The following STXBP5 variants were observed in gnomAD, a reference collection of about 807,000 sequenced individuals.
STXBP5 encodes syntaxin binding protein 5.
Under a neutral mutation model 152.4 loss-of-function variants are expected in STXBP5, and 50 were observed. The observed-to-expected ratio is 0.33, with a 90% confidence interval of 0.26 to 0.42. The LOEUF is 0.42. Ranked by LOEUF, STXBP5 falls within the 10% of genes least tolerant of loss-of-function variation. The pLI, the probability that STXBP5 is intolerant of heterozygous loss-of-function variation, is 1.00. For synonymous variants in STXBP5, 492 were observed against 494.7 expected (o/e 0.99, Z 0.07); for missense variants, 1,167 against 1,388.6 (o/e 0.84, Z 2.54).
At chr6:147,252,944 C>T (rs1779171379) in intron 4 of STXBP5, among the ~76,000 whole-genome samples, 1 of 152,192 alleles carries the variant, frequency 6.6e-6, no homozygotes, top group Non-Finnish European at 1.5e-5. Context: ...AGGGACTCCT[C>T]TCTAACTCAT....
chr6:147,233,278 C>G (rs1308260211), intron 2 of STXBP5, among the ~76,000 whole-genome samples: 1 of 151,652 alleles, frequency 6.6e-6, no homozygotes, highest in African/African-American at 2.4e-5. Context: ...TATATGAATG[C>G]TGCACTCGTA....
Position 147,325,135 on chromosome 6 carries a change from T to A in STXBP5, c.1928+51T>A, listed in dbSNP as rs371617731. ...AAGTCTCTTCATAGTATTCCATATG[T>A]CATTTTGTTTTTAAAAATAGAAAGG... is the stretch of plus-strand genomic sequence containing the variant. On this transcript the variant is annotated intron_variant, in intron 17 of 27. Coordinates refer to ENST00000321680, the MANE Select transcript of STXBP5 (RefSeq NM_001127715.4). 9.6e-6 allele frequency: 13 copies of A among 1,348,420 alleles called. No individual in the cohort carries two copies. In the African/African-American group the frequency reaches 1.6e-4, roughly 17 times the overall value. The allele number at this position is 1,348,420 out of a possible 1,614,324, so 83.5% of individuals were successfully genotyped here. A position where few individuals can be genotyped will look rare whatever the true frequency, so the allele number is the denominator to read the frequency against.
intron 26 of STXBP5, among the ~76,000 whole-genome samples, chr6:147,379,440 A>G (rs1261863805): frequency 2.0e-5 from 3 of 152,192 alleles, no homozygotes; most frequent in Non-Finnish European, 4.4e-5. Context: ...ATTGATGAGT[A>G]TAATCCATGA....
intron 2 of STXBP5, among the ~76,000 whole-genome samples, chr6:147,230,934 G>A (rs1317304656): frequency 6.6e-6 from 1 of 151,790 alleles, no homozygotes; most frequent in African/African-American, 2.4e-5. Flanking sequence ...CAGCTTCCGT[G>A]ATGATGCTGG....
chr6:147,381,722 T>C (rs553105431), intron 26 of STXBP5, among the ~76,000 whole-genome samples: 1 of 152,278 alleles, frequency 6.6e-6, no homozygotes, highest in South Asian at 2.1e-4. Context: ...GAAGTACTGA[T>C]GCATGCTACA....
rs556368811 is a variant in STXBP5 at position 147,303,028 on chromosome 6, G to A, written c.918-7056G>A. 7.9e-5 allele frequency among the ~76,000 whole-genome samples: 12 copies of A among 152,206 alleles called. No homozygotes were observed. The South Asian group carries it at 1.5e-3, about 18-fold the overall frequency. On this transcript the variant is annotated intron_variant, in intron 9 of 27. Transcript: ENST00000321680. ...AAATTTTGAAGGAAAGAGGTTTTCC[G>A]TGGCTCTCGACAAATTGCCATATTG...
At chr6:147,227,257 T>C (rs1393742423) in intron 2 of STXBP5, among the ~76,000 whole-genome samples, 2 of 152,180 alleles carry the variant, frequency 1.3e-5, no homozygotes, top group Non-Finnish European at 2.9e-5. Flanking sequence ...TTCTCCACTT[T>C]AGAAACACTC....
chr6:147,251,868 A>T (rs1431543592), intron 4 of STXBP5, among the ~76,000 whole-genome samples: 1 of 152,156 alleles, frequency 6.6e-6, no homozygotes, highest in Non-Finnish European at 1.5e-5. Flanking sequence ...CCCTTCTGGG[A>T]TGAAGCATCC....
In STXBP5 at chr6:147,363,351, A is replaced by G. The variant is rs1562269773; in HGVS notation, c.2562A>G (p.Leu854=). The G allele has an allele frequency of 6.3e-7, 1 of 1,598,666 alleles. No individual in the cohort carries two copies. Among genetic ancestry groups the G allele is most frequent in the Non-Finnish European group, 8.5e-7 (1 of 1,174,682 alleles). Residue 854 remains leucine (L), a synonymous_variant, in exon 24 of 28, where the codon TTA becomes TTG. Coordinates refer to ENST00000321680, the MANE Select transcript of STXBP5 (RefSeq NM_001127715.4). ...ATATTTTAGGTACTATATTGAGGTT[A>G]AAAGGTGCAATCTTGAGAATGGCAT... ...IVSPSGTILR[L]KGAILRMAFL...
chr6:147,363,206 T>G, intron 23 of STXBP5, 129 bp from the exon 24 acceptor site: 6 of 958,380 alleles, frequency 6.3e-6, no homozygotes, highest in South Asian at 2.1e-5. Context: ...ATCCTGTCAA[T>G]GAGCCAGTGT....
chr6:147,248,295 A>G (rs1035639820), intron 4 of STXBP5, among the ~76,000 whole-genome samples: 1 of 152,022 alleles, frequency 6.6e-6, no homozygotes, highest in African/African-American at 2.4e-5. Flanking sequence ...AAAAAAAAAA[A>G]AAACTACTTA....
chr6:147,298,205 A>G (rs1781627874), intron 9 of STXBP5, among the ~76,000 whole-genome samples: 1 of 152,110 alleles, frequency 6.6e-6, no homozygotes, highest in Admixed American at 6.6e-5. Context: ...ATAAAATATC[A>G]GATAAAATAG....
In STXBP5 at chr6:147,382,982, C is replaced by T; in HGVS notation, c.3398C>T (p.Ser1133Phe). 1 of 1,613,286 alleles carries T rather than the reference C, an allele frequency of 6.2e-7. No homozygotes were observed. Among genetic ancestry groups the T allele is most frequent in the Non-Finnish European group, 8.5e-7 (1 of 1,179,562 alleles). ...ATGTTATCAAGTGCAGAGTCATTTT[C>T]TAAACATGCTCATGAGGTACGACTC... ...AAMLSSAESF[S>F]KHAHEIMLKY... The change falls in exon 27 of 28, where the codon TCT (serine) becomes TTT (phenylalanine). Residue 1133 changes from serine (S) to phenylalanine (F), a missense_variant. Transcript: ENST00000321680.
rs560030669 is a variant in STXBP5 at position 147,259,036 on chromosome 6, G to T, written c.432-1579G>T. On this transcript the variant is annotated intron_variant, in intron 4 of 27. Transcript: ENST00000321680. Reference sequence around the variant, plus strand: ...TTCTCTCTTCTCAGTTTACTTAAATGATGATGGTAGTTATAGAGCAGAGTA... The same window carrying T: ...TTCTCTCTTCTCAGTTTACTTAAATTATGATGGTAGTTATAGAGCAGAGTA... 9.2e-5 allele frequency among the ~76,000 whole-genome samples: 14 copies of T among 152,182 alleles called. No individual in the cohort carries two copies. The South Asian group carries it at 2.7e-3, about 29-fold the overall frequency.
chr6:147,288,237 A>G (rs1781093215), intron 8 of STXBP5, among the ~76,000 whole-genome samples: 1 of 152,184 alleles, frequency 6.6e-6, no homozygotes, highest in Admixed American at 6.5e-5. Flanking sequence ...GTGTCAAATG[A>G]GACAGCCACA....
intron 4 of STXBP5, among the ~76,000 whole-genome samples, chr6:147,247,947 G>A (rs1778891084): frequency 6.6e-6 from 1 of 152,120 alleles, no homozygotes. Context: ...TATATGGAAG[G>A]AGGAGGTATA....
chr6:147,213,434 A>ATGTGTGTGTGTGTGTGTG (rs1159372834), intron 2 of STXBP5, among the ~76,000 whole-genome samples: 3 of 85,534 alleles, frequency 3.5e-5, no homozygotes, highest in African/African-American at 1.3e-4. Flanking sequence ...AATTTTATAT[A>ATGTGTGTGTGTGTGTGTG]TGTGTGTGTG....
chr6:147,345,987 C>T (rs2128401770), intron 21 of STXBP5, among the ~76,000 whole-genome samples: 1 of 152,308 alleles, frequency 6.6e-6, no homozygotes, highest in East Asian at 1.9e-4. Context: ...AACCTGCCTA[C>T]ACTCTCTGAG....
At chr6:147,372,211 C>G (rs1785572314) in intron 25 of STXBP5, among the ~76,000 whole-genome samples, 1 of 151,714 alleles carries the variant, frequency 6.6e-6, no homozygotes, top group Non-Finnish European at 1.5e-5. Flanking sequence ...TTATTTCCTC[C>G]CATATGCAAT....
Sources: gnomAD v4.1 joint callset for allele counts (sites outside exome capture counted in the v4.1 genomes callset) on GRCh38, gnomAD v4.1.1 for gene constraint, MANE v1.5 for transcripts, NCBI Gene and HGNC (gene_info 2026-07-23, HGNC 2026-07-21) for gene names.